The following DOCK8 variants were observed in gnomAD, a reference collection of about 807,000 sequenced individuals.
DOCK8 encodes dedicator of cytokinesis 8, also known as dedicator of cytokinesis protein 8.
Under a neutral mutation model 245.6 loss-of-function variants are expected in DOCK8, and 141 were observed. The observed-to-expected ratio is 0.57, with a 90% confidence interval of 0.50 to 0.66. The LOEUF is 0.66. Ranked by LOEUF, DOCK8 falls within the 30% of genes least tolerant of loss-of-function variation. The pLI, the probability that DOCK8 is intolerant of heterozygous loss-of-function variation, is 0.00. For missense variants in DOCK8, 2,965 were observed against 2,603.4 expected, an observed-to-expected ratio of 1.14 and a Z score of -3.02; for synonymous variants, 1,168 against 970.2, an observed-to-expected ratio of 1.20 and a Z score of -3.79.
At chr9:412,714 CAA>C (rs1265620388) in intron 28 of DOCK8, among the ~76,000 whole-genome samples, 18 of 151,932 alleles carry the variant, frequency 1.2e-4, no homozygotes, top group Non-Finnish European at 2.4e-4. Flanking sequence ...AAAAGAAACA[CAA>C]GAGTTATACA....
At chr9:347,568 T>C (rs1395507668) in intron 14 of DOCK8, among the ~76,000 whole-genome samples, 1 of 152,202 alleles carries the variant, frequency 6.6e-6, no homozygotes, top group African/African-American at 2.4e-5. Flanking sequence ...TACTTGGTTT[T>C]ACTAGGCTTA....
intron 1 of DOCK8, among the ~76,000 whole-genome samples, chr9:247,505 G>A (rs1012543108): frequency 4.6e-5 from 7 of 151,966 alleles, no homozygotes; most frequent in South Asian, 2.1e-4. Flanking sequence ...AGTAAATGCT[G>A]GCCACTGTTA....
intron 1 of DOCK8, among the ~76,000 whole-genome samples, chr9:257,638 G>A (rs2129717469): frequency 6.6e-6 from 1 of 152,310 alleles, no homozygotes; most frequent in African/African-American, 2.4e-5. Context: ...TCCTGCCTCA[G>A]CCTCCTGAGT....
intron 1 of DOCK8, among the ~76,000 whole-genome samples, chr9:254,318 A>G (rs2047718962): frequency 6.6e-6 from 1 of 152,204 alleles, no homozygotes; most frequent in South Asian, 2.1e-4. Context: ...ATATGAGGCC[A>G]GAAAATGAAT....
At chr9:420,291 TA>T in intron 30 of DOCK8, 109 bp from the exon 31 acceptor site, 1 of 1,157,330 alleles carries the variant, frequency 8.6e-7, no homozygotes, top group Non-Finnish European at 1.3e-6. Context: ...ACAGTCATGG[TA>T]TTTTAAGAGA....
At chr9:417,986 G>A in intron 29 of DOCK8, 82 bp from the exon 30 acceptor site, 3 of 1,563,690 alleles carry the variant, frequency 1.9e-6, no homozygotes, top group Non-Finnish European at 2.6e-6. Context: ...TAGTGACTGA[G>A]AAGTATCAGT....
chr9:261,287 T>C (rs1400365035), intron 1 of DOCK8, among the ~76,000 whole-genome samples: 1 of 152,210 alleles, frequency 6.6e-6, no homozygotes, highest in African/African-American at 2.4e-5. Context: ...TGTAGTTTTC[T>C]TCTCTGGCTA....
At chr9:298,781 T>C (rs1485273657) in intron 4 of DOCK8, among the ~76,000 whole-genome samples, 1 of 152,022 alleles carries the variant, frequency 6.6e-6, no homozygotes, top group Non-Finnish European at 1.5e-5. Context: ...ACACAAAAGG[T>C]CTTTAGGTAG....
chr9:359,372 A>G (rs1187786924), intron 14 of DOCK8, among the ~76,000 whole-genome samples: 1 of 152,198 alleles, frequency 6.6e-6, no homozygotes, highest in Non-Finnish European at 1.5e-5. Context: ...TTCACACCTC[A>G]GTTTTATCAT....
At chr9:429,530 C>G (rs1319283138) in intron 35 of DOCK8, among the ~76,000 whole-genome samples, 172 bp from the exon 36 acceptor site, 2 of 152,238 alleles carry the variant, frequency 1.3e-5, no homozygotes. Context: ...CTCAAGTCTA[C>G]TCCATTGCTT....
chr9:325,677 G>C lies in DOCK8; in HGVS notation c.834G>C (p.Glu278Asp), dbSNP rs574738858. ...TCCTCTCTTTCTATGGTAGGTTCGA[G>C]ATTGAAATTGAGCCCCTGTTTGCCA... Reference protein sequence around the residue: ...ILVKLLTLKFEIEIEPLFASI... With the variant: ...ILVKLLTLKFDIEIEPLFASI... The change falls in exon 8 of 48, where the codon GAG becomes GAC. Residue 278 changes from glutamate to aspartate, a missense_variant. By Grantham distance (45) the Glu-to-Asp change is conservative (BLOSUM62 2). Around this residue, in one of 3 missense-constraint regions of DOCK8, gnomAD observed 2,825 missense variants for 2,453.5 expected, o/e 1.15. Transcript: ENST00000432829. 1 of 1,613,902 alleles carries C rather than the reference G, an allele frequency of 6.2e-7. No individual in the cohort carries two copies. Among genetic ancestry groups the C allele is most frequent in the Admixed American group, 1.7e-5 (1 of 60,008 alleles).
rs746998183 is a variant in DOCK8, at chr9:370,253, G to T, written c.1821G>T (p.Gly607=). The change falls in exon 16 of 48, where the codon GGG becomes GGT. Residue 607 remains glycine (G), a synonymous_variant. Coordinates refer to ENST00000432829, the MANE Select transcript of DOCK8 (RefSeq NM_203447.4). ...AGGTCATCTTTGGAAAATCCAGCGG[G>T]CCTGAATTTCTGCAGGAAGTGTACA... ...AMPVIFGKSS[G]PEFLQEVYTA... 14 of 1,614,092 alleles carry T rather than the reference G, an allele frequency of 8.7e-6. No individual in the cohort carries two copies. In the Admixed American group the frequency reaches 2.0e-4, roughly 23 times the overall value.
chr9:461,558 G>C (rs559041987), intron 46 of DOCK8, among the ~76,000 whole-genome samples: 1 of 49,536 alleles, frequency 2.0e-5, no homozygotes, highest in Admixed American at 2.5e-4. Flanking sequence ...TTTTTTTTTG[G>C]TGAGACAAGG....
intron 2 of DOCK8, among the ~76,000 whole-genome samples, chr9:274,667 A>G (rs539871081): frequency 2.3e-5 from 3 of 129,714 alleles, no homozygotes; most frequent in Admixed American, 1.6e-4. Flanking sequence ...TACCTTTAAA[A>G]AAAAATTTCT....
At chr9:422,795 G>C (rs1255619208) in intron 33 of DOCK8, among the ~76,000 whole-genome samples, 2 of 152,092 alleles carry the variant, frequency 1.3e-5, no homozygotes, top group Non-Finnish European at 2.9e-5. Flanking sequence ...GACTAGCCTG[G>C]CCAACATGGT....
In DOCK8 at chr9:308,323, GTACAACTATTATGTGTC is replaced by G. The variant is rs2049939555; in HGVS notation, c.528+3622_529-3612del. Among the ~76,000 whole-genome samples, 3 of 152,126 alleles carry G rather than the reference GTACAACTATTATGTGTC, an allele frequency of 2.0e-5. No homozygotes were observed. The South Asian group carries it at 6.2e-4, about 32-fold the overall frequency. On this transcript the variant is annotated intron_variant, in intron 5 of 47. Coordinates refer to ENST00000432829, the MANE Select transcript of DOCK8 (RefSeq NM_203447.4). ...ATATTACACTGTATTCCATAAATAG[GTACAACTATTATGTGTC>G]TATTAAATTTTTTTAAAGAGCCAAA...
At chr9:424,028 T>C (rs1299775084) in intron 33 of DOCK8, among the ~76,000 whole-genome samples, 1 of 151,338 alleles carries the variant, frequency 6.6e-6, no homozygotes, top group Non-Finnish European at 1.5e-5. Flanking sequence ...TCAGAGCTAA[T>C]GATTCACATC....
At chr9:309,332 A>G (rs901146713) in intron 5 of DOCK8, among the ~76,000 whole-genome samples, 34 of 152,306 alleles carry the variant, frequency 2.2e-4, no homozygotes, top group African/African-American at 7.5e-4. Context: ...AGTTTGGGGA[A>G]AATTTATGAT....
At chr9:452,571 A>C (rs752376377) in intron 46 of DOCK8, 8 of 156,262 alleles carry the variant, frequency 5.1e-5, no homozygotes, top group African/African-American at 1.9e-4. Context: ...TCTGAATCCA[A>C]ATAGTCCACA....
Sources: gnomAD v4.1 joint callset for allele counts (sites outside exome capture counted in the v4.1 genomes callset) on GRCh38, gnomAD v4.1.1 for gene constraint, gnomAD v4.1.1 regional missense constraint, MANE v1.5 for transcripts, NCBI Gene and HGNC (gene_info 2026-07-23, HGNC 2026-07-21) for gene names.